The following IFT81 variants were observed in gnomAD, a reference collection of about 807,000 sequenced individuals.
The protein encoded by IFT81 is intraflagellar transport 81.
In IFT81, 72 loss-of-function variants were observed where a neutral mutation model predicts 102.6. The ratio of observed to expected loss-of-function variants is 0.70; its 90% CI spans 0.58 to 0.85. IFT81 has a LOEUF of 0.85. Ranked by LOEUF, IFT81 falls within the 40% of genes least tolerant of loss-of-function variation. The pLI, the probability that IFT81 is intolerant of heterozygous loss-of-function variation, is 0.00. For missense variants in IFT81, 723 were observed against 787.3 expected (o/e 0.92, Z 0.98); for synonymous variants, 237 against 242.7 (o/e 0.98, Z 0.22).
At chr12:110,140,689 A>G (rs1024088445) in intron 8 of IFT81, among the ~76,000 whole-genome samples, 1 of 152,068 alleles carries the variant, frequency 6.6e-6, no homozygotes, top group African/African-American at 2.4e-5. Flanking sequence ...CTGACTAATT[A>G]CAGTGTGATT....
intron 14 of IFT81, among the ~76,000 whole-genome samples, chr12:110,197,275 G>A (rs1016652398): frequency 6.6e-6 from 1 of 151,860 alleles, no homozygotes; most frequent in African/African-American, 2.4e-5. Flanking sequence ...TAGATAGATA[G>A]ATAGATAGAT....
intron 10 of IFT81, among the ~76,000 whole-genome samples, chr12:110,155,319 G>GT (rs939758699): frequency 2.0e-5 from 3 of 151,342 alleles, no homozygotes; most frequent in Non-Finnish European, 4.4e-5. Context: ...TTCTTGGGGG[G>GT]TTTTTTTTGA....
In IFT81 at chr12:110,137,117, G is replaced by T. The variant is rs545918723; in HGVS notation, c.781+257G>T. 3.3e-5 allele frequency among the ~76,000 whole-genome samples: 5 copies of T among 152,296 alleles called. No homozygotes were observed. In the East Asian group the frequency reaches 9.6e-4, roughly 29 times the overall value. On this transcript the variant is annotated intron_variant, in intron 8 of 18. Coordinates refer to ENST00000242591, the MANE Select transcript of IFT81 (RefSeq NM_014055.4). The stretch of plus-strand genomic sequence containing the variant: ...AATCCCAGCACTTTGGGAGCCCGAG[G>T]TGGCGAGAGGTCAGGAGTTCGAGAC...
intron 11 of IFT81, among the ~76,000 whole-genome samples, chr12:110,173,164 T>TG (rs1373192073): frequency 5.1e-5 from 5 of 98,462 alleles, no homozygotes; most frequent in Admixed American, 1.1e-4. Context: ...AGGAGGGAGG[T>TG]GGGGGGGTCA....
chr12:110,149,838 T>TTG (rs958700171), intron 10 of IFT81, among the ~76,000 whole-genome samples: 5 of 152,102 alleles, frequency 3.3e-5, no homozygotes, highest in Admixed American at 6.5e-5. Context: ...GTCCGGCCAC[T>TTG]TGTGTGTCTG....
chr12:110,141,708 C>A (rs1471446129), intron 8 of IFT81, among the ~76,000 whole-genome samples: 5 of 152,012 alleles, frequency 3.3e-5, no homozygotes, highest in Admixed American at 6.6e-5. Context: ...ATGGTGAAAC[C>A]CTGTCTCTAC....
chr12:110,153,069 T>C (rs912768330), intron 10 of IFT81, among the ~76,000 whole-genome samples: 1 of 152,228 alleles, frequency 6.6e-6, no homozygotes, highest in Admixed American at 6.5e-5. Flanking sequence ...TCATATCCAA[T>C]AAATCATCGC....
At chr12:110,173,159 G>A (rs1896848606) in intron 11 of IFT81, among the ~76,000 whole-genome samples, 1 of 149,236 alleles carries the variant, frequency 6.7e-6, no homozygotes, top group Non-Finnish European at 1.5e-5. Flanking sequence ...CGTCCAGGAG[G>A]GAGGTGGGGG....
At chr12:110,136,448 A>G (rs1008809339) in intron 7 of IFT81, among the ~76,000 whole-genome samples, 1 of 152,226 alleles carries the variant, frequency 6.6e-6, no homozygotes, top group African/African-American at 2.4e-5. Flanking sequence ...TCACTATATC[A>G]ATGTTAACAT....
rs182578600 is a variant in IFT81, at chr12:110,210,951, G to A, written c.1848+1735G>A. On this transcript the variant is annotated intron_variant, in intron 18 of 18. Transcript: ENST00000242591. ...CTCACTGCAGCCTTGGCCTCCCCAC[G>A]CTCAAGCGATCCTCCCACCTCAGCC... Among the ~76,000 whole-genome samples the A allele has an allele frequency of 6.9e-3, 1,024 of 148,828 alleles. 1 individual carries two copies. The highest frequency in any genetic ancestry group is 9.4e-3 in the Non-Finnish European group (635 of 67,286).
intron 7 of IFT81, among the ~76,000 whole-genome samples, chr12:110,135,747 G>A (rs1894459214): frequency 1.3e-5 from 2 of 151,362 alleles, no homozygotes; most frequent in African/African-American, 4.9e-5. Context: ...CATGCCTGTA[G>A]TCCCAGCTAC....
chr12:110,202,839 T>C (rs1048731230), intron 14 of IFT81, among the ~76,000 whole-genome samples: 7 of 151,626 alleles, frequency 4.6e-5, no homozygotes, highest in Non-Finnish European at 8.9e-5. Flanking sequence ...GGTATTAATA[T>C]CTCTTTTGAG....
intron 11 of IFT81, among the ~76,000 whole-genome samples, chr12:110,166,839 C>T (rs1399366325): frequency 6.6e-6 from 1 of 151,540 alleles, no homozygotes; most frequent in African/African-American, 2.4e-5. Context: ...GTATATTTGC[C>T]AGAAATTATA....
At chr12:110,149,201 G>A (rs1332896473) in intron 10 of IFT81, among the ~76,000 whole-genome samples, 1 of 152,158 alleles carries the variant, frequency 6.6e-6, no homozygotes, top group Non-Finnish European at 1.5e-5. Context: ...TTTCTTCTAT[G>A]AACCTGGTTT....
intron 5 of IFT81, among the ~76,000 whole-genome samples, chr12:110,132,970 CTTTTTTTTTT>C (rs11349893): frequency 8.0e-6 from 1 of 124,956 alleles, no homozygotes; most frequent in African/African-American, 3.2e-5. Flanking sequence ...CTTTCTCTCT[CTTTTTTTTTT>C]TTTTTTTTGA....
chr12:110,192,847 A>C (rs1897856255), intron 14 of IFT81, 141 bp downstream of exon 14: 1 of 540,148 alleles, frequency 1.9e-6, no homozygotes, highest in Non-Finnish European at 3.3e-6. Flanking sequence ...TATTGATACA[A>C]TTCTTCAAAA....
chr12:110,147,629 T>C lies in IFT81; in HGVS notation c.1041+581T>C, dbSNP rs1416095373. ...TCTACAACCTCAGAAAATACTAAGC[T>C]ACATAACAAAGCATTATTTAAGGAC... On this transcript the variant is annotated intron_variant, in intron 10 of 18. Transcript: ENST00000242591. Among the ~76,000 whole-genome samples, 4 of 152,194 alleles carry C rather than the reference T, an allele frequency of 2.6e-5. No homozygotes were observed. In the East Asian group the frequency reaches 7.7e-4, roughly 29 times the overall value.
Position 110,190,911 on chromosome 12 carries a change from T to C in IFT81, c.1339-9T>C. The C allele has an allele frequency of 6.6e-7, 1 of 1,509,672 alleles. No homozygotes were observed. The highest frequency in any genetic ancestry group is 1.4e-5 in the South Asian group (1 of 72,878). 93.5% of individuals were successfully genotyped at this position (1,509,672 alleles called of 1,614,324 possible). On this transcript the variant is annotated splice_polypyrimidine_tract_variant and intron_variant, in intron 12 of 18. Coordinates refer to ENST00000242591, the MANE Select transcript of IFT81 (RefSeq NM_014055.4). Reference sequence around the variant, plus strand: ...CATGTTTTGTGGCCTTTTTATTTTTTACTTATAGCAAACTATGGAGGAGAA... The same window carrying C: ...CATGTTTTGTGGCCTTTTTATTTTTCACTTATAGCAAACTATGGAGGAGAA...
rs1897679361 is a variant in IFT81 at position 110,189,093 on chromosome 12, C to G, written c.1339-1827C>G. On this transcript the variant is annotated intron_variant, in intron 12 of 18. Transcript: ENST00000242591. ...TTCTTCTGTCTTCTAAGACACTACA[C>G]TTTCCTGGTTTTTCTTCCTAACTAA... Among the ~76,000 whole-genome samples, 3 of 152,176 alleles carry G rather than the reference C, an allele frequency of 2.0e-5. No individual in the cohort carries two copies. In the South Asian group the frequency reaches 6.2e-4, roughly 31 times the overall value.
Sources: gnomAD v4.1 joint callset for allele counts (sites outside exome capture counted in the v4.1 genomes callset) on GRCh38, gnomAD v4.1.1 for gene constraint, MANE v1.5 for transcripts, NCBI Gene and HGNC (gene_info 2026-07-23, HGNC 2026-07-21) for gene names.